Variants in FILIP1 observed in about 807,000 individuals in gnomAD.
The protein encoded by FILIP1 is filamin A interacting protein 1.
In FILIP1, 61 loss-of-function variants were observed where a neutral mutation model predicts 102.1. That is an observed-to-expected ratio of 0.60 (90% CI 0.49 to 0.74). FILIP1 has a LOEUF of 0.74. Ranked by LOEUF, FILIP1 falls within the 30% of genes least tolerant of loss-of-function variation. The pLI, the probability that FILIP1 is intolerant of heterozygous loss-of-function variation, is 0.00. For missense variants in FILIP1, 1,314 were observed against 1,441.2 expected (o/e 0.91, Z 1.43); for synonymous variants, 491 against 526.9 (o/e 0.93, Z 0.93).
intron 2 of FILIP1, among the ~76,000 whole-genome samples, chr6:75,377,607 G>A (rs1351915441): frequency 1.3e-5 from 2 of 152,176 alleles, no homozygotes; most frequent in Non-Finnish European, 2.9e-5. Flanking sequence ...AAGACTGAGA[G>A]CACTGAAGGC....
In FILIP1 at chr6:75,414,950, C is replaced by CCA; in HGVS notation, c.21_22dup (p.Gly8ValfsTer53). The CCA allele has an allele frequency of 6.2e-7, 1 of 1,613,622 alleles. No homozygotes were observed. The highest frequency in any genetic ancestry group is 1.1e-5 in the South Asian group (1 of 91,036). ...GATATGCCCATCAGATGCACTTTCACCACCTTGGTTTCGAGATCTCATTCC... is the reference window on the plus strand; with the variant it reads ...GATATGCCCATCAGATGCACTTTCACCACACCTTGGTTTCGAGATCTCATTCC... On this transcript the variant is annotated frameshift_variant, in exon 2 of 6. Transcript: ENST00000237172. LOFTEE classifies it high-confidence loss of function.
rs150957881 is a variant in FILIP1, at chr6:75,457,824, A to T, written c.-7+35590T>A. ...TTAATCAATCAGGAACATTTCCAAAAATCTGATCTAATGGAAGTCTGGCCT... is the reference window on the plus strand; with the variant it reads ...TTAATCAATCAGGAACATTTCCAAATATCTGATCTAATGGAAGTCTGGCCT... On this transcript the variant is annotated intron_variant, in intron 1 of 5. Transcript: ENST00000237172. Among the ~76,000 whole-genome samples, 731 of 152,230 alleles carry T rather than the reference A, an allele frequency of 4.8e-3. 5 individuals are homozygous for T. Among genetic ancestry groups the T allele is most frequent in the African/African-American group, 0.016 (682 of 41,544 alleles).
chr6:75,312,925 AT>A lies in FILIP1; in HGVS notation c.2906del (p.Asp969ValfsTer41). 6.2e-7 allele frequency: 1 copy of A among 1,614,128 alleles called. No homozygotes were observed. Reference protein sequence around the residue: ...NVMPQKQKSGDTTLGPERAMS... With the variant: ...NVMPQKQKSGXTTLGPERAMS... Reference sequence around the variant, plus strand: ...TGGCTCGTTCTGGGCCAAGAGTAGTATCTCCACTTTTTTGTTTTTGAGGCAT... The same window carrying A: ...TGGCTCGTTCTGGGCCAAGAGTAGTACTCCACTTTTTTGTTTTTGAGGCAT... On this transcript the variant is annotated frameshift_variant, in exon 5 of 6. Transcript: ENST00000237172. LOFTEE classifies it high-confidence loss of function.
chr6:75,427,750 C>T (rs930691535), intron 1 of FILIP1, among the ~76,000 whole-genome samples: 1 of 152,156 alleles, frequency 6.6e-6, no homozygotes, highest in Non-Finnish European at 1.5e-5. Flanking sequence ...TTTGAAGAGG[C>T]CTCTCTATCC....
At chr6:75,489,110 C>G (rs554658806) in intron 1 of FILIP1, among the ~76,000 whole-genome samples, 1 of 152,042 alleles carries the variant, frequency 6.6e-6, no homozygotes, top group East Asian at 1.9e-4. Flanking sequence ...CTGTACATTA[C>G]CCAGTATAGT....
intron 1 of FILIP1, among the ~76,000 whole-genome samples, chr6:75,486,287 AC>A (rs1779786866): frequency 6.6e-6 from 1 of 152,100 alleles, no homozygotes; most frequent in Admixed American, 6.6e-5. Flanking sequence ...GCGTGTAGAA[AC>A]CAAGAACCAC....
chr6:75,308,337 A>G lies in FILIP1; in HGVS notation c.*354T>C, dbSNP rs140845898. The G allele has an allele frequency of 0.021, 21,473 of 1,015,330 alleles. 257 individuals carry two copies. The highest frequency in any genetic ancestry group is 0.032 in the South Asian group (738 of 23,200). The allele number at this position is 1,015,330 out of a possible 1,614,324, so 62.9% of individuals were successfully genotyped here. A position where few individuals can be genotyped will look rare whatever the true frequency, so the allele number is the denominator to read the frequency against. On this transcript the variant is annotated 3_prime_UTR_variant, in exon 6 of 6. Transcript: ENST00000237172. ...ACAAGGTACATTAAATTTGGCTTGC[A>G]ATTAGGAAATATGGGAGCCGGACTT...
intron 1 of FILIP1, among the ~76,000 whole-genome samples, chr6:75,436,064 T>A (rs1056097593): frequency 1.3e-5 from 2 of 151,988 alleles, no homozygotes; most frequent in African/African-American, 2.4e-5. Flanking sequence ...ACAGAAGTCA[T>A]AAGAGTTGCA....
intron 2 of FILIP1, among the ~76,000 whole-genome samples, chr6:75,405,465 C>G (rs1776809545): frequency 6.6e-6 from 1 of 151,792 alleles, no homozygotes; most frequent in South Asian, 2.1e-4. Context: ...GAAAAAAAAA[C>G]ATAAAGTTTT....
At chr6:75,351,071 C>G (rs1225386603) in intron 4 of FILIP1, among the ~76,000 whole-genome samples, 1 of 147,964 alleles carries the variant, frequency 6.8e-6, no homozygotes, top group African/African-American at 2.5e-5. Flanking sequence ...TCAGAGAGTA[C>G]TTTTTTTTTT....
At chr6:75,318,685 T>C (rs1337920331) in intron 4 of FILIP1, among the ~76,000 whole-genome samples, 2 of 152,216 alleles carry the variant, frequency 1.3e-5, no homozygotes, top group Non-Finnish European at 2.9e-5. Flanking sequence ...ACAACAATTA[T>C]TTCGTATAAG....
chr6:75,315,243 G>T, intron 4 of FILIP1, 41 bp from the exon 5 acceptor site: 1 of 1,315,988 alleles, frequency 7.6e-7, no homozygotes, highest in Non-Finnish European at 1.0e-6. Context: ...AGAGTAATCA[G>T]CAAACAGATT....
intron 1 of FILIP1, among the ~76,000 whole-genome samples, chr6:75,440,657 T>A (rs59049683): frequency 0.22 from 32,892 of 152,000 alleles, 3,636 homozygotes; most frequent in South Asian, 0.3. Flanking sequence ...GGACTTCTCT[T>A]AAGAAATGGG....
At chr6:75,402,497 G>T (rs1170379823) in intron 2 of FILIP1, among the ~76,000 whole-genome samples, 3 of 152,112 alleles carry the variant, frequency 2.0e-5, no homozygotes, top group Non-Finnish European at 4.4e-5. Flanking sequence ...AAGTGCAGGT[G>T]AGTCATCAAT....
chr6:75,372,777 A>G lies in FILIP1; in HGVS notation c.277-9860T>C, dbSNP rs2951942. ...AAGAAAGAAAGAAAGAAAGAAAGAA[A>G]GAAAGAAAGAAAGAAAGAAGGAAAG... On this transcript the variant is annotated intron_variant, in intron 2 of 5. Coordinates refer to ENST00000237172, the MANE Select transcript of FILIP1 (RefSeq NM_015687.5). Among the ~76,000 whole-genome samples, 511 of 82,732 alleles carry G rather than the reference A, an allele frequency of 6.2e-3. 20 individuals carry two copies. The highest frequency in any genetic ancestry group is 0.025 in the African/African-American group (416 of 16,796). 54.3% of individuals were successfully genotyped at this position (82,732 alleles called of 152,430 possible). A position where few individuals can be genotyped will look rare whatever the true frequency, so the allele number is the denominator to read the frequency against.
intron 1 of FILIP1, among the ~76,000 whole-genome samples, chr6:75,482,955 A>G (rs1305951198): frequency 6.6e-6 from 1 of 152,120 alleles, no homozygotes; most frequent in African/African-American, 2.4e-5. Flanking sequence ...ATCAGGTTGA[A>G]TTTTTGAATT....
chr6:75,474,560 C>G lies in FILIP1; in HGVS notation c.-7+18854G>C, dbSNP rs543175071. ...CAGAGGGACCAAAAGAACTGAGATG[C>G]TAGTTCTTTTTTTCTTCCAGCAGTG... On this transcript the variant is annotated intron_variant, in intron 1 of 5. Transcript: ENST00000237172. Among the ~76,000 whole-genome samples, 8 of 152,246 alleles carry G rather than the reference C, an allele frequency of 5.3e-5. No homozygotes were observed. The East Asian group carries it at 1.4e-3, about 26-fold the overall frequency.
chr6:75,372,738 GAA>G (rs373470639), intron 2 of FILIP1, among the ~76,000 whole-genome samples: 9,894 of 62,760 alleles, frequency 0.16, 2,603 homozygotes, highest in South Asian at 0.27. Context: ...GAGAAAGAAA[GAA>G]AGAAAGAAAG....
chr6:75,328,075 A>G (rs1246083299), intron 4 of FILIP1, among the ~76,000 whole-genome samples: 3 of 152,234 alleles, frequency 2.0e-5, no homozygotes, highest in African/African-American at 4.8e-5. Context: ...CAATCAATAA[A>G]TTGCAAGATA....
Sources: gnomAD v4.1 joint callset for allele counts (sites outside exome capture counted in the v4.1 genomes callset) on GRCh38, gnomAD v4.1.1 for gene constraint, MANE v1.5 for transcripts, NCBI Gene and HGNC (gene_info 2026-07-23, HGNC 2026-07-21) for gene names.